Variants in VEPH1 observed in about 807,000 individuals in gnomAD.
VEPH1 encodes ventricular zone expressed PH domain containing 1.
In VEPH1, 80 loss-of-function variants were observed where a neutral mutation model predicts 85.2. The ratio of observed to expected loss-of-function variants is 0.94; its 90% CI spans 0.78 to 1.13. VEPH1 has a LOEUF of 1.13. Ranked by LOEUF, VEPH1 falls within the 50% of genes most tolerant of loss-of-function variation. The probability of loss-of-function intolerance (pLI) is 0.00; values close to 1 mark genes in which losing one functional copy is unlikely to be tolerated. For synonymous variants in VEPH1, 297 were observed against 348.0 expected, an observed-to-expected ratio of 0.85 and a Z score of 1.63; for missense variants, 955 against 980.5, an observed-to-expected ratio of 0.97 and a Z score of 0.35.
At chr3:157,449,099 TG>T (rs1412734753) in intron 4 of VEPH1, among the ~76,000 whole-genome samples, 1 of 152,182 alleles carries the variant, frequency 6.6e-6, no homozygotes, top group Admixed American at 6.5e-5. Context: ...ATCTTTCTTT[TG>T]GAAATTGCCC....
chr3:157,280,303 T>A (rs1230233633), intron 12 of VEPH1, among the ~76,000 whole-genome samples: 1 of 152,150 alleles, frequency 6.6e-6, no homozygotes, highest in African/African-American at 2.4e-5. Flanking sequence ...TATATTGGCT[T>A]GACTCAGCTT....
chr3:157,487,486 A>G (rs1738757591), intron 2 of VEPH1, among the ~76,000 whole-genome samples: 1 of 152,156 alleles, frequency 6.6e-6, no homozygotes, highest in South Asian at 2.1e-4. Flanking sequence ...ATACTGTTCT[A>G]TGAAATCTTT....
At chr3:157,476,832 T>C (rs960445587) in intron 2 of VEPH1, among the ~76,000 whole-genome samples, 9 of 152,144 alleles carry the variant, frequency 5.9e-5, no homozygotes, top group African/African-American at 2.2e-4. Flanking sequence ...GAGATATCTC[T>C]TGGTACTCCC....
intron 4 of VEPH1, among the ~76,000 whole-genome samples, chr3:157,452,572 G>A (rs938521800): frequency 6.6e-6 from 1 of 152,174 alleles, no homozygotes; most frequent in South Asian, 2.1e-4. Flanking sequence ...ATATAGGAAG[G>A]CAAGTATGAT....
At chr3:157,363,198 T>C in intron 9 of VEPH1, 166 bp downstream of exon 9, 2 of 563,456 alleles carry the variant, frequency 3.5e-6, no homozygotes, top group Non-Finnish European at 5.5e-6. Context: ...CAACCTTTTC[T>C]TGGGAAAAAA....
chr3:157,470,310 A>T lies in VEPH1; in HGVS notation c.354+4T>A, dbSNP rs755340421. 1 of 1,614,018 alleles carries T rather than the reference A, an allele frequency of 6.2e-7. No homozygotes were observed. The highest frequency in any genetic ancestry group is 1.1e-5 in the South Asian group (1 of 91,078). On this transcript the variant is annotated splice_donor_region_variant and intron_variant, in intron 3 of 13. Transcript: ENST00000362010. ...AAATAGCCTGATGTTGAACACTGAC[A>T]TACCTGTAAAATGCAACTCATGATA... is the stretch of plus-strand genomic sequence containing the variant.
chr3:157,405,739 T>A (rs1731094315), intron 6 of VEPH1, among the ~76,000 whole-genome samples: 1 of 152,170 alleles, frequency 6.6e-6, no homozygotes, highest in Admixed American at 6.5e-5. Context: ...CTCCCCCACA[T>A]GGGGTTAGTT....
At chr3:157,440,482 C>T (rs1734030086) in intron 4 of VEPH1, among the ~76,000 whole-genome samples, 1 of 152,026 alleles carries the variant, frequency 6.6e-6, no homozygotes, top group South Asian at 2.1e-4. Context: ...ATTCTGGAAC[C>T]ATTCTGGGAG....
At chr3:157,335,300 C>T (rs1291941347) in intron 9 of VEPH1, among the ~76,000 whole-genome samples, 3 of 150,624 alleles carry the variant, frequency 2.0e-5, no homozygotes, top group South Asian at 4.3e-4. Context: ...TTGGGGGCTG[C>T]GGTGGGAGGA....
At position 157,260,490 on chromosome 3, in the gene VEPH1, GATTAT is replaced by G. The variant is rs1712732803; in HGVS notation, c.*639_*643del. On this transcript the variant is annotated 3_prime_UTR_variant, in exon 14 of 14. Transcript: ENST00000362010. ...TATATGTCCAAGTATCTAAACTGTAGATTATATTATATGAACTTAAATGGAATAAT... is the reference window on the plus strand; with the variant it reads ...TATATGTCCAAGTATCTAAACTGTAGATTATATGAACTTAAATGGAATAAT... The G allele has an allele frequency of 6.6e-6, 1 of 152,114 alleles. No individual in the cohort carries two copies. The highest frequency in any genetic ancestry group is 1.5e-5 in the Non-Finnish European group (1 of 68,022). The allele number at this position is 152,114 out of a possible 1,614,324, so 9.4% of individuals were successfully genotyped here. A position where few individuals can be genotyped will look rare whatever the true frequency, so the allele number is the denominator to read the frequency against.
intron 6 of VEPH1, among the ~76,000 whole-genome samples, chr3:157,390,963 G>A (rs1008225437): frequency 1.3e-5 from 2 of 152,234 alleles, no homozygotes; most frequent in Admixed American, 6.5e-5. Context: ...GCCCAAAGCG[G>A]AAGCTGCTTG....
chr3:157,329,921 A>G (rs1051092962), intron 9 of VEPH1, among the ~76,000 whole-genome samples: 23 of 152,218 alleles, frequency 1.5e-4, no homozygotes, highest in Non-Finnish European at 3.4e-4. Flanking sequence ...TTAATTCAAC[A>G]GAGGCTGTAG....
chr3:157,439,451 G>C (rs989137580), intron 4 of VEPH1, among the ~76,000 whole-genome samples: 9 of 152,144 alleles, frequency 5.9e-5, no homozygotes, highest in Non-Finnish European at 1.3e-4. Flanking sequence ...AATTTTGTTT[G>C]GTCTTTGATA....
chr3:157,486,264 G>A (rs769649599), intron 2 of VEPH1, among the ~76,000 whole-genome samples: 3 of 151,966 alleles, frequency 2.0e-5, no homozygotes, highest in African/African-American at 4.8e-5. Flanking sequence ...TTGAGAGACC[G>A]AGGCGGGTGG....
intron 5 of VEPH1, among the ~76,000 whole-genome samples, chr3:157,426,844 G>C (rs538992608): frequency 3.0e-5 from 4 of 132,262 alleles, no homozygotes; most frequent in African/African-American, 1.2e-4. Context: ...GTCTCACTCT[G>C]TCACCCAGGC....
At position 157,477,193 on chromosome 3, in the gene VEPH1, T is replaced by A. The variant is rs114714153; in HGVS notation, c.139-6664A>T. ...GCCCTCTGGAGGCTCTGAGGGCATT[T>A]TTTTTTTTTTTAATCTGTTCTAGCT... On this transcript the variant is annotated intron_variant, in intron 2 of 13. Coordinates refer to ENST00000362010, the MANE Select transcript of VEPH1 (RefSeq NM_001167912.2). Among the ~76,000 whole-genome samples the A allele has an allele frequency of 4.6e-3, 701 of 151,430 alleles. 6 individuals are homozygous for A. The highest frequency in any genetic ancestry group is 0.016 in the African/African-American group (668 of 41,326).
chr3:157,318,506 G>C (rs1052115590), intron 9 of VEPH1, among the ~76,000 whole-genome samples: 2 of 151,968 alleles, frequency 1.3e-5, no homozygotes, highest in Non-Finnish European at 2.9e-5. Flanking sequence ...TACTTGGGGG[G>C]CAGAGCAGGA....
intron 7 of VEPH1, 45 bp from the exon 8 acceptor site, chr3:157,364,557 T>C: frequency 1.3e-6 from 2 of 1,554,602 alleles, no homozygotes; most frequent in Non-Finnish European, 1.8e-6. Flanking sequence ...TCATATATAC[T>C]CTTCAGAACA....
chr3:157,437,832 C>A (rs1054697803), intron 4 of VEPH1: 3 of 1,470,480 alleles, frequency 2.0e-6, no homozygotes, highest in East Asian at 5.7e-5. Context: ...GCGCCCTGGC[C>A]GCGGTGCTAG....
Sources: allele counts gnomAD v4.1 joint callset (sites outside exome capture counted in the v4.1 genomes callset), GRCh38; gene constraint gnomAD v4.1.1; transcripts MANE v1.5; gene names NCBI Gene and HGNC (gene_info 2026-07-23, HGNC 2026-07-21).